The following AGAP1 variants were observed in gnomAD, a reference collection of about 807,000 sequenced individuals.
AGAP1 encodes arf-GAP with GTPase, ANK repeat and PH domain-containing protein 1.
In AGAP1, 29 loss-of-function variants were observed where a neutral mutation model predicts 105.3. The ratio of observed to expected loss-of-function variants is 0.28; its 90% CI spans 0.21 to 0.38. AGAP1 has a LOEUF of 0.38. AGAP1 is among the 10% of genes least tolerant of loss of function. The pLI, the probability that AGAP1 is intolerant of heterozygous loss-of-function variation, is 1.00. For missense variants in AGAP1, 998 were observed against 1,165.1 expected (o/e 0.86, Z 2.09); for synonymous variants, 509 against 485.9 (o/e 1.05, Z -0.63).
chr2:235,890,115 T>C (rs1243489420), intron 10 of AGAP1, among the ~76,000 whole-genome samples: 4 of 150,740 alleles, frequency 2.7e-5, no homozygotes, highest in African/African-American at 9.8e-5. Context: ...GAGAAGGAGG[T>C]ATGGGCACAG....
intron 6 of AGAP1, among the ~76,000 whole-genome samples, chr2:235,796,952 G>A (rs1247385369): frequency 6.6e-6 from 1 of 152,168 alleles, no homozygotes; most frequent in Non-Finnish European, 1.5e-5. Flanking sequence ...CTTTATCAGC[G>A]AGCCTATTTG....
chr2:236,039,862 T>C (rs965052376), intron 14 of AGAP1, among the ~76,000 whole-genome samples: 10 of 152,338 alleles, frequency 6.6e-5, no homozygotes, highest in South Asian at 2.1e-4. Context: ...GATGGCCGTA[T>C]GATTGTTTAT....
intron 1 of AGAP1, among the ~76,000 whole-genome samples, chr2:235,708,952 A>G (rs1575188644): frequency 6.6e-6 from 1 of 152,212 alleles, no homozygotes; most frequent in Non-Finnish European, 1.5e-5. Flanking sequence ...GTCATTGGAT[A>G]GAGCATGTGT....
chr2:235,516,218 C>T (rs982613969), intron 1 of AGAP1, among the ~76,000 whole-genome samples: 8 of 152,066 alleles, frequency 5.3e-5, no homozygotes, highest in East Asian at 3.9e-4. Flanking sequence ...GCATGCCTGG[C>T]GAATAGTATA....
rs1435388828 is a variant in AGAP1, at chr2:235,754,503, A to G, written c.673+4015A>G. 1.3e-5 allele frequency among the ~76,000 whole-genome samples: 2 copies of G among 151,750 alleles called. No individual in the cohort carries two copies. The highest frequency in any genetic ancestry group is 4.8e-5 in the African/African-American group (2 of 41,330). The stretch of plus-strand genomic sequence containing the variant: ...CCTGATTGGCTCTGTACCGAGGTTC[A>G]TTTAAAAGGCCAGGGACCTCATTCT... On this transcript the variant is annotated intron_variant, in intron 6 of 17. Coordinates refer to ENST00000304032, the MANE Select transcript of AGAP1 (RefSeq NM_001037131.3). The surrounding 1 kb of genome is among the most constrained non-coding windows in gnomAD (Gnocchi z 4.6).
chr2:235,671,029 C>G (rs1374614364), intron 1 of AGAP1: 2 of 1,298,700 alleles, frequency 1.5e-6, no homozygotes, highest in Admixed American at 3.9e-5. Context: ...CGTCCAGCGC[C>G]GAGAGCATCG....
intron 12 of AGAP1, among the ~76,000 whole-genome samples, chr2:235,941,914 G>A (rs1402733179): frequency 6.6e-6 from 1 of 152,148 alleles, no homozygotes; most frequent in Admixed American, 6.5e-5. Flanking sequence ...TTCCAGCCCG[G>A]TATGGAAGAG....
intron 1 of AGAP1, among the ~76,000 whole-genome samples, chr2:235,585,094 T>A (rs1945063173): frequency 6.6e-6 from 1 of 152,026 alleles, no homozygotes; most frequent in African/African-American, 2.4e-5. Context: ...CTCTGGTCTT[T>A]CCCTCTCTTG....
At chr2:235,681,608 A>G (rs1437602902) in intron 1 of AGAP1, among the ~76,000 whole-genome samples, 1 of 152,208 alleles carries the variant, frequency 6.6e-6, no homozygotes, top group Non-Finnish European at 1.5e-5. Flanking sequence ...CAAGTTCACA[A>G]GAATAAATGT....
In AGAP1 at chr2:235,716,289, A is replaced by G. The variant is rs1951101124; in HGVS notation, c.223-1268A>G. Among the ~76,000 whole-genome samples the G allele has an allele frequency of 6.6e-6, 1 of 151,964 alleles. No individual in the cohort carries two copies. Among genetic ancestry groups the G allele is most frequent in the South Asian group, 2.1e-4 (1 of 4,806 alleles). On this transcript the variant is annotated intron_variant, in intron 2 of 17. Transcript: ENST00000304032. This position sits in a 1 kb window ranked among gnomAD's most constrained non-coding sequence, Gnocchi z 4.0. ...GGAAGAACCCACAGGGCTGGGAGGG[A>G]GGTAGAGGCGGAAGCCAGTGTGAGA... is the stretch of plus-strand genomic sequence containing the variant.
rs567709492 is a variant in AGAP1 at position 235,938,002 on chromosome 2, T to A, written c.1483+7079T>A. Among the ~76,000 whole-genome samples, 19 of 152,382 alleles carry A rather than the reference T, an allele frequency of 1.2e-4. No individual in the cohort carries two copies. The East Asian group carries it at 2.9e-3, about 23-fold the overall frequency. ...CTTCCCAAAGAAAGGAAAGCCGGTT[T>A]CTGGTTTGCAAGAGGGTCACTGCAG... On this transcript the variant is annotated intron_variant, in intron 12 of 17. Transcript: ENST00000304032.
intron 1 of AGAP1, among the ~76,000 whole-genome samples, chr2:235,667,023 C>G (rs968543847): frequency 1.3e-5 from 2 of 152,090 alleles, no homozygotes; most frequent in African/African-American, 4.8e-5. Flanking sequence ...AGCTTACAGA[C>G]CTGGGTGACC....
intron 2 of AGAP1, among the ~76,000 whole-genome samples, chr2:235,713,716 C>T (rs903968311): frequency 2.0e-5 from 3 of 152,244 alleles, no homozygotes; most frequent in African/African-American, 7.2e-5. Flanking sequence ...GTCTTCGTCT[C>T]TTCTGGCTCC....
At position 235,905,933 on chromosome 2, in the gene AGAP1, C is replaced by T. The variant is rs983246372; in HGVS notation, c.1156-2805C>T. ...TAACTTTCTTTCTGTCTTTGGTCTACATCCTCTCAAAGTTGATTATGTTTT... is the reference window on the plus strand; with the variant it reads ...TAACTTTCTTTCTGTCTTTGGTCTATATCCTCTCAAAGTTGATTATGTTTT... On this transcript the variant is annotated intron_variant, in intron 10 of 17. Coordinates refer to ENST00000304032, the MANE Select transcript of AGAP1 (RefSeq NM_001037131.3). The surrounding 1 kb of genome is among the most constrained non-coding windows in gnomAD (Gnocchi z 4.2). 2.0e-5 allele frequency among the ~76,000 whole-genome samples: 3 copies of T among 152,244 alleles called. No homozygotes were observed. The highest frequency in any genetic ancestry group is 7.2e-5 in the African/African-American group (3 of 41,478).
In AGAP1 at chr2:235,736,051, T is replaced by C. The variant is rs1323662382; in HGVS notation, c.311-4912T>C. On this transcript the variant is annotated intron_variant, in intron 3 of 17. Transcript: ENST00000304032. The surrounding 1 kb of genome is among the most constrained non-coding windows in gnomAD (Gnocchi z 5.5). ...TGCTGTTTACCTCCTGTGATATCCT[T>C]GTGTCCTGGGGAAGCACAGATTTCA... Among the ~76,000 whole-genome samples the C allele has an allele frequency of 6.6e-6, 1 of 151,904 alleles. No individual in the cohort carries two copies. Among genetic ancestry groups the C allele is most frequent in the Non-Finnish European group, 1.5e-5 (1 of 68,010 alleles).
rs1212354444 is a variant in AGAP1 at position 236,101,669 on chromosome 2, G to A, written c.2115-18523G>A. Among the ~76,000 whole-genome samples the A allele has an allele frequency of 6.6e-6, 1 of 152,146 alleles. No homozygotes were observed. Among genetic ancestry groups the A allele is most frequent in the Admixed American group, 6.5e-5 (1 of 15,274 alleles). On this transcript the variant is annotated intron_variant, in intron 16 of 17. Coordinates refer to ENST00000304032, the MANE Select transcript of AGAP1 (RefSeq NM_001037131.3). The surrounding 1 kb of genome is among the most constrained non-coding windows in gnomAD (Gnocchi z 4.9). The stretch of plus-strand genomic sequence containing the variant: ...CTCTTCCCTTATCTGTTTATGATGC[G>A]ATATGTTCCAAAGCCGATCACATCA...
chr2:235,763,501 G>A (rs1048850775), intron 6 of AGAP1, among the ~76,000 whole-genome samples: 6 of 152,090 alleles, frequency 3.9e-5, no homozygotes, highest in East Asian at 3.9e-4. Flanking sequence ...GAGTGCTTCC[G>A]TGCATGGTTT....
rs1024916743 is a variant in AGAP1 at position 235,535,979 on chromosome 2, C to G, written c.163+41130C>G. On this transcript the variant is annotated intron_variant, in intron 1 of 17. Coordinates refer to ENST00000304032, the MANE Select transcript of AGAP1 (RefSeq NM_001037131.3). The surrounding 1 kb of genome is among the most constrained non-coding windows in gnomAD (Gnocchi z 5.1). Reference sequence around the variant, plus strand: ...CATCTGCTTCCTGCTCTCCCAGAGCCGGCCTCACCTTCGAGACTCATGCTA... The same window carrying G: ...CATCTGCTTCCTGCTCTCCCAGAGCGGGCCTCACCTTCGAGACTCATGCTA... Among the ~76,000 whole-genome samples the G allele has an allele frequency of 6.6e-6, 1 of 152,040 alleles. No homozygotes were observed. The highest frequency in any genetic ancestry group is 2.4e-5 in the African/African-American group (1 of 41,380).
Position 235,814,696 on chromosome 2 carries a change from G to C in AGAP1, c.1050+7365G>C, listed in dbSNP as rs1292480069. Among the ~76,000 whole-genome samples the C allele has an allele frequency of 2.0e-5, 3 of 152,220 alleles. No individual in the cohort carries two copies. In the East Asian group the frequency reaches 5.8e-4, roughly 30 times the overall value. On this transcript the variant is annotated intron_variant, in intron 9 of 17. Transcript: ENST00000304032. Reference sequence around the variant, plus strand: ...AGTTAGACAGGAGAGGGTGAGGGAAGGACAGGGAAATGGAGGTGGGGACAA... The same window carrying C: ...AGTTAGACAGGAGAGGGTGAGGGAACGACAGGGAAATGGAGGTGGGGACAA...
Sources: gnomAD v4.1 joint callset for allele counts (sites outside exome capture counted in the v4.1 genomes callset) on GRCh38, gnomAD v4.1.1 for gene constraint, Gnocchi (gnomAD v3.1) non-coding constraint, MANE v1.5 for transcripts, NCBI Gene and HGNC (gene_info 2026-07-23, HGNC 2026-07-21) for gene names.